The following CACNB2 variants were observed in gnomAD, a reference collection of about 807,000 sequenced individuals.
The protein encoded by CACNB2 is calcium voltage-gated channel auxiliary subunit beta 2, also known as voltage-dependent L-type calcium channel subunit beta-2.
In CACNB2, 42 loss-of-function variants were observed where a neutral mutation model predicts 73.3. That is an observed-to-expected ratio of 0.57 (90% CI 0.45 to 0.74). CACNB2 has a LOEUF of 0.74. Among genes scored for constraint, CACNB2 ranks in the 30% least tolerant of loss-of-function variants. The pLI is 0.00. For missense variants in CACNB2, 940 were observed against 853.0 expected, an observed-to-expected ratio of 1.10 and a Z score of -1.27; for synonymous variants, 348 against 310.3, an observed-to-expected ratio of 1.12 and a Z score of -1.28.
chr10:18,400,575 G>C, intron 2 of CACNB2: 2 of 1,015,050 alleles, frequency 2.0e-6, no homozygotes, highest in South Asian at 8.0e-5. Context: ...CCTCCCCCTC[G>C]AGATCTCCAA....
At chr10:18,201,864 T>A (rs568402174) in intron 2 of CACNB2, among the ~76,000 whole-genome samples, 1 of 152,348 alleles carries the variant, frequency 6.6e-6, no homozygotes, top group African/African-American at 2.4e-5. Flanking sequence ...CTGACATTTT[T>A]AAAATGTCTT....
At chr10:18,435,797 C>T (rs2046104405) in intron 3 of CACNB2, among the ~76,000 whole-genome samples, 1 of 151,974 alleles carries the variant, frequency 6.6e-6, no homozygotes, top group Non-Finnish European at 1.5e-5. Flanking sequence ...ACTCCACCTG[C>T]CCCCCAACCA....
At chr10:18,292,106 A>G (rs1329264593) in intron 2 of CACNB2, among the ~76,000 whole-genome samples, 2 of 152,160 alleles carry the variant, frequency 1.3e-5, no homozygotes, top group Admixed American at 6.6e-5. Context: ...TTCAACTCCA[A>G]AACTGTTTGT....
At chr10:18,245,434 C>A (rs2036823932) in intron 2 of CACNB2, among the ~76,000 whole-genome samples, 1 of 152,132 alleles carries the variant, frequency 6.6e-6, no homozygotes, top group South Asian at 2.1e-4. Context: ...GATCCTCCTA[C>A]CTCAGGCTCT....
chr10:18,175,092 G>C (rs2033500720), intron 2 of CACNB2, among the ~76,000 whole-genome samples: 1 of 152,048 alleles, frequency 6.6e-6, no homozygotes, highest in South Asian at 2.1e-4. Flanking sequence ...ACCTCTCTAT[G>C]GTCTTGTTTA....
intron 2 of CACNB2, among the ~76,000 whole-genome samples, chr10:18,175,449 A>G (rs981328134): frequency 1.3e-5 from 2 of 152,216 alleles, no homozygotes; most frequent in Non-Finnish European, 2.9e-5. Context: ...AAAAACATGC[A>G]CAATTTTTTT....
intron 2 of CACNB2, among the ~76,000 whole-genome samples, chr10:18,300,374 T>C (rs72784245): frequency 2.0e-5 from 3 of 152,184 alleles, no homozygotes; most frequent in African/African-American, 7.2e-5. Context: ...GGGTAACAAG[T>C]TGACTCCTAC....
chr10:18,325,258 T>C (rs960027580), intron 2 of CACNB2, among the ~76,000 whole-genome samples: 3 of 152,218 alleles, frequency 2.0e-5, no homozygotes, highest in Non-Finnish European at 2.9e-5. Flanking sequence ...GGCTCAGTCA[T>C]AGCTCACTAT....
chr10:18,219,364 T>A (rs1226790468), intron 2 of CACNB2, among the ~76,000 whole-genome samples: 1 of 152,214 alleles, frequency 6.6e-6, no homozygotes, highest in African/African-American at 2.4e-5. Flanking sequence ...GAGAACCAGA[T>A]GACCTGATAA....
chr10:18,283,587 G>A lies in CACNB2; in HGVS notation c.214-118337G>A, dbSNP rs574012897. ...TCTCAAAGACAGAAAACCAAACACC[G>A]CATGTTCTCACTCATAGGTGGAAAC... On this transcript the variant is annotated intron_variant, in intron 2 of 13. Transcript: ENST00000324631. 3.5e-3 allele frequency among the ~76,000 whole-genome samples: 529 copies of A among 149,230 alleles called. 5 individuals are homozygous for A. Among genetic ancestry groups the A allele is most frequent in the African/African-American group, 0.012 (498 of 40,708 alleles).
At chr10:18,217,655 C>T (rs1038678030) in intron 2 of CACNB2, among the ~76,000 whole-genome samples, 5 of 151,300 alleles carry the variant, frequency 3.3e-5, no homozygotes, top group Non-Finnish European at 5.9e-5. Context: ...GACATTTGAG[C>T]AAAACTTGAT....
chr10:18,233,805 C>A (rs1174390205), intron 2 of CACNB2, among the ~76,000 whole-genome samples: 5 of 152,104 alleles, frequency 3.3e-5, no homozygotes, highest in Non-Finnish European at 5.9e-5. Flanking sequence ...AATAAGATCC[C>A]CGCTCCCAAG....
At chr10:18,278,274 G>C (rs1351497249) in intron 2 of CACNB2, among the ~76,000 whole-genome samples, 1 of 152,150 alleles carries the variant, frequency 6.6e-6, no homozygotes, top group Non-Finnish European at 1.5e-5. Context: ...GAGTCCAGGA[G>C]TTTGAGACCA....
chr10:18,409,302 G>GA (rs11386791), intron 3 of CACNB2, among the ~76,000 whole-genome samples: 95,319 of 137,740 alleles, frequency 0.69, 32,915 homozygotes, highest in East Asian at 0.91. Flanking sequence ...CTGTCTCCAG[G>GA]AAAAAAAAAA....
At chr10:18,184,250 A>T (rs993495504) in intron 2 of CACNB2, among the ~76,000 whole-genome samples, 5 of 152,236 alleles carry the variant, frequency 3.3e-5, no homozygotes, top group African/African-American at 1.2e-4. Flanking sequence ...TGAGATGATG[A>T]CAAACCTACA....
chr10:18,270,790 C>G (rs2038019702), intron 2 of CACNB2, among the ~76,000 whole-genome samples: 2 of 152,264 alleles, frequency 1.3e-5, no homozygotes, highest in South Asian at 2.1e-4. Flanking sequence ...AGTTGTCTGC[C>G]CATCTTAGAA....
chr10:18,193,190 A>G (rs887487959), intron 2 of CACNB2, among the ~76,000 whole-genome samples: 1 of 152,000 alleles, frequency 6.6e-6, no homozygotes, highest in Admixed American at 6.6e-5. Context: ...GAACATTTCA[A>G]ATCTTCTCTT....
chr10:18,437,982 G>A (rs2046220807), intron 3 of CACNB2, among the ~76,000 whole-genome samples: 1 of 148,682 alleles, frequency 6.7e-6, no homozygotes, highest in Admixed American at 6.7e-5. Context: ...TGGGGGTGTC[G>A]GGATACCTGG....
intron 2 of CACNB2, among the ~76,000 whole-genome samples, chr10:18,380,456 T>C (rs187621822): frequency 7.8e-4 from 106 of 135,382 alleles, no homozygotes; most frequent in East Asian, 6.9e-3. Context: ...GTTTTTCTTT[T>C]TTTTTTTTTT....
Sources: allele counts gnomAD v4.1 joint callset (sites outside exome capture counted in the v4.1 genomes callset), GRCh38; gene constraint gnomAD v4.1.1; transcripts MANE v1.5; gene names NCBI Gene and HGNC (gene_info 2026-07-23, HGNC 2026-07-21).